CD36: variants seen among roughly 807,000 people sequenced by gnomAD.
CD36 encodes the protein platelet glycoprotein 4.
Under a neutral mutation model 55.2 loss-of-function variants are expected in CD36, and 119 were observed. The ratio of observed to expected loss-of-function variants is 2.15; its 90% CI spans 1.86 to 2.51. CD36 has a LOEUF of 2.51. Ranked by LOEUF, CD36 falls within the 30% of genes most tolerant of loss-of-function variation. The pLI is 0.00. For synonymous variants in CD36, 186 were observed against 193.6 expected (o/e 0.96, Z 0.33); for missense variants, 819 against 555.5 (o/e 1.47, Z -4.77).
At chr7:80,609,129 G>T (rs1411120131) in intron 1 of CD36, among the ~76,000 whole-genome samples, 1 of 152,024 alleles carries the variant, frequency 6.6e-6, no homozygotes, top group African/African-American at 2.4e-5. Flanking sequence ...TGAATTCCAG[G>T]TAATCAAGGC....
chr7:80,674,375 T>TGTAACAATAGCACAAA (rs1554347620), intron 14 of CD36: 2 of 474,526 alleles, frequency 4.2e-6, no homozygotes, highest in Non-Finnish European at 7.6e-6. Flanking sequence ...TTGTGACCAT[T>TGTAACAATAGCACAAA]GTAACAATAG....
At chr7:80,662,535 C>T (rs3212009) in intron 5 of CD36, 3,394 of 289,980 alleles carry the variant, frequency 0.012, 33 homozygotes, top group South Asian at 0.021. Context: ...CAATTGTCTG[C>T]GCCATTTCTG....
intron 3 of CD36, among the ~76,000 whole-genome samples, chr7:80,653,127 C>CT (rs1397556519): frequency 1.1e-4 from 17 of 152,104 alleles, no homozygotes; most frequent in African/African-American, 3.1e-4. Context: ...TTGTTGGCCA[C>CT]TTCAGTCTAT....
intron 8 of CD36, among the ~76,000 whole-genome samples, chr7:80,669,225 C>A (rs1477026338): frequency 1.3e-5 from 2 of 151,972 alleles, no homozygotes; most frequent in Admixed American, 1.3e-4. Context: ...TATTTTGTAC[C>A]ATTAAATATG....
intron 1 of CD36, among the ~76,000 whole-genome samples, chr7:80,628,589 TTAAG>T (rs1402949612): frequency 6.6e-6 from 1 of 152,072 alleles, no homozygotes; most frequent in Non-Finnish European, 1.5e-5. Flanking sequence ...AGAAGTTTGA[TTAAG>T]TGTTTTAGTT....
At chr7:80,622,704 A>G (rs971392743) in intron 1 of CD36, among the ~76,000 whole-genome samples, 2 of 152,228 alleles carry the variant, frequency 1.3e-5, no homozygotes, top group African/African-American at 4.8e-5. Context: ...TCCTTAAACT[A>G]TGAGTCACAG....
At position 80,617,382 on chromosome 7, in the gene CD36, TA is replaced by T. The variant is rs964890899; in HGVS notation, c.-184+15013del. On this transcript the variant is annotated intron_variant, in intron 1 of 13. Coordinates refer to the CD36 transcript ENST00000309881. ...CATGTGTACCCCTGAACTTAAAAGT[TA>T]AAAAAAAAATAAAATATATGTATCC... 2.2e-3 allele frequency among the ~76,000 whole-genome samples: 332 copies of T among 148,510 alleles called. 6 individuals are homozygous for T. Among genetic ancestry groups the T allele is most frequent in the South Asian group, 1.3e-3 (6 of 4,680 alleles).
At chr7:80,673,438 AAAC>A (rs769120085) in intron 13 of CD36, 29 bp downstream of exon 13, 1 of 1,320,410 alleles carries the variant, frequency 7.6e-7, no homozygotes, top group Non-Finnish European at 1.1e-6. Context: ...TAGTCATTAA[AAAC>A]AACCTTCTTT....
intron 1 of CD36, among the ~76,000 whole-genome samples, chr7:80,614,337 C>G (rs1584274063): frequency 6.6e-6 from 1 of 152,126 alleles, no homozygotes. Flanking sequence ...GACATAGGTT[C>G]TCTTTCACTC....
intron 6 of CD36, among the ~76,000 whole-genome samples, chr7:80,663,758 A>C (rs962653828): frequency 1.3e-5 from 2 of 152,138 alleles, no homozygotes; most frequent in African/African-American, 4.8e-5. Context: ...AATGTTTTGA[A>C]TTACAAATAG....
intron 7 of CD36, among the ~76,000 whole-genome samples, chr7:80,664,852 TAA>T (rs11464530): frequency 6.9e-6 from 1 of 144,168 alleles, no homozygotes; most frequent in Non-Finnish European, 1.5e-5. Context: ...AATGAAAAGG[TAA>T]AAAAAAAAAA....
chr7:80,669,922 T>G (rs770056977), intron 8 of CD36, 31 bp from the exon 9 acceptor site: 1 of 1,515,584 alleles, frequency 6.6e-7, no homozygotes, highest in Non-Finnish European at 9.2e-7. Flanking sequence ...ACACATTACA[T>G]CTAATCATTT....
chr7:80,675,457 T>C (rs1798122901), intron 14 of CD36, among the ~76,000 whole-genome samples: 3 of 152,204 alleles, frequency 2.0e-5, no homozygotes. Flanking sequence ...TTATGATTGC[T>C]TAATGATCCT....
intron 1 of CD36, among the ~76,000 whole-genome samples, chr7:80,641,870 A>C (rs995868957): frequency 4.0e-5 from 6 of 151,860 alleles, no homozygotes; most frequent in African/African-American, 1.5e-4. Flanking sequence ...CTCTGTTTCT[A>C]CTGGGTTCCC....
intron 3 of CD36, among the ~76,000 whole-genome samples, chr7:80,648,810 G>GA (rs1268041856): frequency 1.3e-5 from 2 of 152,028 alleles, no homozygotes; most frequent in African/African-American, 4.8e-5. Flanking sequence ...GTAGAATTTT[G>GA]AAAGTCTCAA....
At chr7:80,652,559 G>T (rs577520425) in intron 3 of CD36, among the ~76,000 whole-genome samples, 4 of 152,116 alleles carry the variant, frequency 2.6e-5, no homozygotes, top group Admixed American at 6.6e-5. Context: ...GAAATGATTC[G>T]TTTTAGGCCC....
intron 8 of CD36, 125 bp from the exon 9 acceptor site, chr7:80,669,828 C>G: frequency 1.3e-6 from 1 of 764,450 alleles, no homozygotes; most frequent in Non-Finnish European, 2.4e-6. Flanking sequence ...AAAAATGTGG[C>G]TGCTAGATAA....
At chr7:80,634,052 A>G (rs971658828), upstream of CD36, among the ~76,000 whole-genome samples, 2 of 152,068 alleles carry the variant, frequency 1.3e-5, no homozygotes, top group African/African-American at 4.8e-5. Context: ...TCAAGGATAA[A>G]TGTATCTTTT....
Position 80,663,046 on chromosome 7 carries a change from T to G in CD36, c.486T>G (p.Ile162Met), listed in dbSNP as rs2116694977. 6.2e-7 allele frequency: 1 copy of G among 1,613,482 alleles called. No homozygotes were observed. Among genetic ancestry groups the G allele is most frequent in the South Asian group, 1.1e-5 (1 of 91,076 alleles). ...QFVQMILNSL[I>M]NKSKSSMFQV... is the part of the protein sequence containing the mutation. ...TTCAAATGATCCTCAATTCACTTAT[T>G]AACAAGTCAAAATCTTCTATGTTCC... The change falls in exon 6 of 15, where the codon ATT becomes ATG. Residue 162 changes from isoleucine to methionine, a missense_variant. By Grantham distance (10) the Ile-to-Met change is conservative. Transcript: ENST00000447544.
Sources: gnomAD v4.1 joint callset for allele counts (sites outside exome capture counted in the v4.1 genomes callset) on GRCh38, gnomAD v4.1.1 for gene constraint, MANE v1.5 for transcripts, NCBI Gene and HGNC (gene_info 2026-07-23, HGNC 2026-07-21) for gene names.